The following ANK3 variants were observed in gnomAD, a reference collection of about 807,000 sequenced individuals.
ANK3 encodes the protein ankyrin 3.
In ANK3, 57 loss-of-function variants were observed where a neutral mutation model predicts 370.9. The observed-to-expected ratio is 0.15, with a 90% CI of 0.12 to 0.19. The LOEUF (loss-of-function observed/expected upper bound fraction) is 0.19. Ranked by LOEUF, ANK3 falls within the 10% of genes least tolerant of loss-of-function variation. ANK3 has a pLI of 1.00. For synonymous variants in ANK3, 1,929 were observed against 1,946.3 expected (o/e 0.99, Z 0.23); for missense variants, 4,439 against 5,302.1 (o/e 0.84, Z 5.06).
At chr10:60,137,147 T>C (rs1405988151) in intron 24 of ANK3, among the ~76,000 whole-genome samples, 3 of 152,008 alleles carry the variant, frequency 2.0e-5, no homozygotes, top group African/African-American at 7.2e-5. Context: ...GCGTAAGTAA[T>C]ATTTATTATA....
At chr10:60,228,092 T>C (rs547114981) in intron 8 of ANK3, among the ~76,000 whole-genome samples, 2 of 152,196 alleles carry the variant, frequency 1.3e-5, no homozygotes, top group Non-Finnish European at 2.9e-5. Context: ...CTCTCATATA[T>C]TTGAATAAAA....
rs1275926252 is a variant in ANK3 at position 60,477,512 on chromosome 10, GACATACAC to G, written c.96+137666_96+137673del. Among the ~76,000 whole-genome samples, 5 of 115,520 alleles carry G rather than the reference GACATACAC, an allele frequency of 4.3e-5. No homozygotes were observed. In the East Asian group the frequency reaches 1.3e-3, roughly 29 times the overall value. The allele number at this position is 115,520 out of a possible 152,430, so 75.8% of individuals were successfully genotyped here. ...ATACATACCTACTGACAGACAGACA[GACATACAC>G]ACACACACACACACACACACACACA... On this transcript the variant is annotated intron_variant, in intron 2 of 43. Transcript: ENST00000373827.
intron 25 of ANK3, among the ~76,000 whole-genome samples, chr10:60,116,036 CAGA>C (rs1386169604): frequency 6.6e-6 from 1 of 152,076 alleles, no homozygotes; most frequent in Non-Finnish European, 1.5e-5. Context: ...AGCAGAAAAA[CAGA>C]AGGATTGGCT....
chr10:60,566,179 C>A (rs893240583), intron 2 of ANK3, among the ~76,000 whole-genome samples: 2 of 152,038 alleles, frequency 1.3e-5, no homozygotes, highest in Non-Finnish European at 2.9e-5. Context: ...AAGATGGAAA[C>A]CTTAATTAGT....
At chr10:60,385,366 C>A (rs764837451) in intron 1 of ANK3, among the ~76,000 whole-genome samples, 3 of 151,842 alleles carry the variant, frequency 2.0e-5, no homozygotes, top group Non-Finnish European at 2.9e-5. Context: ...TGCATCTGAG[C>A]CAGGTGAGGG....
At chr10:60,408,075 T>A (rs1018893064) in intron 2 of ANK3, among the ~76,000 whole-genome samples, 1 of 152,234 alleles carries the variant, frequency 6.6e-6, no homozygotes, top group Non-Finnish European at 1.5e-5. Flanking sequence ...TTTCTCATTT[T>A]CTTTCTGGCT....
rs61845859 is a variant in ANK3, at chr10:60,195,483, G to T, written c.1887+662C>A. ...CGAAATAACTGAACAACACTGAAAT[G>T]GTTTGCATCATTTCAGTGTTCTCTG... On this transcript the variant is annotated intron_variant, in intron 16 of 43. Transcript: ENST00000280772. Among the ~76,000 whole-genome samples the T allele has an allele frequency of 5.5e-3, 828 of 151,788 alleles. 3 individuals are homozygous for T. The highest frequency in any genetic ancestry group is 7.9e-3 in the Non-Finnish European group (537 of 67,956).
chr10:60,618,163 C>T (rs4440977), intron 1 of ANK3, among the ~76,000 whole-genome samples: 8 of 152,024 alleles, frequency 5.3e-5, no homozygotes, highest in African/African-American at 1.7e-4. Flanking sequence ...TGCACACCCA[C>T]GTTATCTGGT....
intron 2 of ANK3, among the ~76,000 whole-genome samples, chr10:60,457,682 C>T (rs1335746822): frequency 1.3e-5 from 2 of 152,022 alleles, no homozygotes. Flanking sequence ...GTGAAAATGA[C>T]AGGAAAAGAG....
intron 2 of ANK3, among the ~76,000 whole-genome samples, chr10:60,572,137 A>C (rs775777474): frequency 7.2e-5 from 11 of 152,214 alleles, no homozygotes; most frequent in Non-Finnish European, 1.2e-4. Flanking sequence ...CATTCTGTGA[A>C]ATTTAAAGGA....
At chr10:60,674,682 T>C (rs1320163835) in intron 1 of ANK3, among the ~76,000 whole-genome samples, 1 of 152,148 alleles carries the variant, frequency 6.6e-6, no homozygotes, top group Non-Finnish European at 1.5e-5. Context: ...AGTCAAGATA[T>C]TAAAAATTTT....
At chr10:60,416,559 GACTA>G (rs1369404802) in intron 2 of ANK3, among the ~76,000 whole-genome samples, 3 of 152,206 alleles carry the variant, frequency 2.0e-5, no homozygotes, top group South Asian at 2.1e-4. Context: ...GTGGGGAGGA[GACTA>G]ACTGAGAAGT....
At chr10:60,562,025 C>T (rs1021719959) in intron 2 of ANK3, among the ~76,000 whole-genome samples, 1 of 152,144 alleles carries the variant, frequency 6.6e-6, no homozygotes, top group Admixed American at 6.5e-5. Flanking sequence ...ATAGTAAATG[C>T]TTAAAACAAA....
chr10:60,435,193 G>T (rs1027879593), intron 2 of ANK3, among the ~76,000 whole-genome samples: 1 of 152,054 alleles, frequency 6.6e-6, no homozygotes, highest in Non-Finnish European at 1.5e-5. Context: ...ATTACGGGTT[G>T]AATCTGTTTT....
At chr10:60,434,111 G>C (rs1283987414) in intron 2 of ANK3, among the ~76,000 whole-genome samples, 1 of 152,150 alleles carries the variant, frequency 6.6e-6, no homozygotes, top group Non-Finnish European at 1.5e-5. Flanking sequence ...CAATAAGGAA[G>C]TCCTTGATTA....
At chr10:60,694,853 A>C (rs747859582) in intron 1 of ANK3, among the ~76,000 whole-genome samples, 9 of 148,510 alleles carry the variant, frequency 6.1e-5, no homozygotes, top group South Asian at 2.2e-4. Context: ...CGAGCAAAAT[A>C]ACCAGCTAAC....
In ANK3 at chr10:60,565,898, T is replaced by C. The variant is rs2077448642; in HGVS notation, c.96+49288A>G. The stretch of plus-strand genomic sequence containing the variant: ...ACTTTCTACACAGATTGGTTTAACA[T>C]ACCAGCACGATTCATTTTATTGTGC... On this transcript the variant is annotated intron_variant, in intron 2 of 43. Transcript: ENST00000373827. Among the ~76,000 whole-genome samples the C allele has an allele frequency of 5.3e-5, 8 of 152,330 alleles. No individual in the cohort carries two copies. In the South Asian group the frequency reaches 1.7e-3, roughly 32 times the overall value.
intron 2 of ANK3, among the ~76,000 whole-genome samples, chr10:60,438,191 G>C (rs1567041179): frequency 1.3e-5 from 2 of 151,664 alleles, no homozygotes; most frequent in African/African-American, 2.4e-5. Context: ...CAATACACCA[G>C]GTTGCTCTTG....
rs773424084 is a variant in ANK3, at chr10:60,524,081, C to T, written c.96+91105G>A. 8.9e-4 allele frequency among the ~76,000 whole-genome samples: 136 copies of T among 152,044 alleles called. 1 individual carries two copies. Among genetic ancestry groups the T allele is most frequent in the Non-Finnish European group, 1.4e-3 (93 of 67,988 alleles). ...TTCTGGCCTCTCCCACTTACTCATT[C>T]CACCACTACCATCTAAGTTATCTCT... On this transcript the variant is annotated intron_variant, in intron 2 of 43. Transcript: ENST00000373827.
Sources: gnomAD v4.1 joint callset for allele counts (sites outside exome capture counted in the v4.1 genomes callset) on GRCh38, gnomAD v4.1.1 for gene constraint, MANE v1.5 for transcripts, NCBI Gene and HGNC (gene_info 2026-07-23, HGNC 2026-07-21) for gene names.